TMPRSS15: variants seen among roughly 807,000 people sequenced by gnomAD.
The protein encoded by TMPRSS15 is transmembrane serine protease 15.
Under a neutral mutation model 125.3 loss-of-function variants are expected in TMPRSS15, and 128 were observed. The observed-to-expected ratio is 1.02, with a 90% CI of 0.89 to 1.18. The LOEUF is 1.18. Among genes scored for constraint, TMPRSS15 ranks in the 50% most tolerant of loss-of-function variants. The pLI, the probability that TMPRSS15 is intolerant of heterozygous loss-of-function variation, is 0.00. For missense variants in TMPRSS15, 1,283 were observed against 1,212.7 expected (o/e 1.06, Z -0.86); for synonymous variants, 446 against 423.2 (o/e 1.05, Z -0.66).
intron 3 of TMPRSS15, among the ~76,000 whole-genome samples, chr21:18,389,439 A>G (rs549603384): frequency 6.6e-6 from 1 of 152,318 alleles, no homozygotes; most frequent in Admixed American, 6.5e-5. Flanking sequence ...ATTATAAAAT[A>G]TTTATCAAGG....
At chr21:18,441,333 G>A (rs1026484036) in intron 1 of TMPRSS15, among the ~76,000 whole-genome samples, 25 of 145,462 alleles carry the variant, frequency 1.7e-4, no homozygotes, top group Non-Finnish European at 3.2e-4. Flanking sequence ...GAGACCGGGC[G>A]TGGTGGCTCA....
At chr21:18,352,064 A>G (rs945680227) in intron 10 of TMPRSS15, among the ~76,000 whole-genome samples, 2 of 88,828 alleles carry the variant, frequency 2.3e-5, no homozygotes, top group African/African-American at 4.0e-5. Flanking sequence ...TAAATTCACA[A>G]CTTTTCACTG....
intron 10 of TMPRSS15, among the ~76,000 whole-genome samples, chr21:18,351,429 A>C (rs1236451714): frequency 6.6e-6 from 1 of 152,070 alleles, no homozygotes; most frequent in Non-Finnish European, 1.5e-5. Context: ...CATAGTCCCC[A>C]TGTGCTGAGG....
At chr21:18,305,068 C>T (rs1012084587) in intron 18 of TMPRSS15, among the ~76,000 whole-genome samples, 2 of 151,464 alleles carry the variant, frequency 1.3e-5, no homozygotes, top group African/African-American at 4.9e-5. Flanking sequence ...GTTCTCAACT[C>T]TAGAATGCAC....
At chr21:18,325,995 T>A (rs2075285344) in intron 16 of TMPRSS15, among the ~76,000 whole-genome samples, 1 of 152,052 alleles carries the variant, frequency 6.6e-6, no homozygotes, top group South Asian at 2.1e-4. Context: ...ACTCTGGTTG[T>A]CTCCAATAAG....
chr21:18,431,698 C>A (rs189890563), intron 1 of TMPRSS15, among the ~76,000 whole-genome samples: 1 of 152,134 alleles, frequency 6.6e-6, no homozygotes, highest in East Asian at 1.9e-4. Flanking sequence ...AAAATGATTT[C>A]TCATATGCAT....
At chr21:18,314,605 T>C (rs1000096048) in intron 17 of TMPRSS15, among the ~76,000 whole-genome samples, 2 of 152,186 alleles carry the variant, frequency 1.3e-5, no homozygotes, top group African/African-American at 4.8e-5. Flanking sequence ...GTTGTGGATT[T>C]TTTTTTTAAC....
chr21:18,474,811 T>C (rs1012940759), intron 1 of TMPRSS15, among the ~76,000 whole-genome samples: 1 of 152,202 alleles, frequency 6.6e-6, no homozygotes, highest in Non-Finnish European at 1.5e-5. Context: ...ATTATCCTAG[T>C]CTGACTGAGG....
chr21:18,339,572 AGTACTGC>A (rs2075426811), intron 13 of TMPRSS15, among the ~76,000 whole-genome samples: 1 of 152,206 alleles, frequency 6.6e-6, no homozygotes, highest in Non-Finnish European at 1.5e-5. Flanking sequence ...AAATGGAAAA[AGTACTGC>A]GTTTGTGGGA....
In TMPRSS15 at chr21:18,398,283, T is replaced by C; in HGVS notation, c.192A>G (p.Ile64Met). The part of the protein sequence containing the change: ...QSHEARATFK[I>M]TSGVTYNPNL... The stretch of plus-strand genomic sequence containing the variant: ...TAGGATTATATGTAACTCCGGATGT[T>C]ATTTTAAATGTCGCTCTGGCTTCAT... The change falls in exon 2 of 25, where the codon ATA becomes ATG. Residue 64 changes from isoleucine to methionine, a missense_variant. Physicochemically the swap from Ile to Met is conservative, Grantham distance 10. Coordinates refer to ENST00000284885, the MANE Select transcript of TMPRSS15 (RefSeq NM_002772.3). 6.2e-7 allele frequency: 1 copy of C among 1,613,900 alleles called. No individual in the cohort carries two copies.
chr21:18,377,594 C>T (rs532816849), intron 5 of TMPRSS15, among the ~76,000 whole-genome samples: 1 of 152,166 alleles, frequency 6.6e-6, no homozygotes, highest in East Asian at 1.9e-4. Context: ...GATAGCTTGC[C>T]AAATACATAT....
chr21:18,452,178 G>T (rs8130386), intron 1 of TMPRSS15, among the ~76,000 whole-genome samples: 1 of 151,958 alleles, frequency 6.6e-6, no homozygotes, highest in Non-Finnish European at 1.5e-5. Context: ...ATAGAGGTTG[G>T]ATATGTTAGT....
intron 3 of TMPRSS15, among the ~76,000 whole-genome samples, chr21:18,396,792 A>AAAATTTG (rs1408156983): frequency 8.9e-6 from 1 of 112,792 alleles, no homozygotes; most frequent in Non-Finnish European, 1.8e-5. Flanking sequence ...AAAAAAAAAA[A>AAAATTTG]TCTGTCTGTC....
chr21:18,300,308 CTT>C (rs1352273131), intron 18 of TMPRSS15, among the ~76,000 whole-genome samples: 27 of 146,726 alleles, frequency 1.8e-4, no homozygotes, highest in Non-Finnish European at 7.5e-5. Context: ...CTCTCTCTCT[CTT>C]TCTTTCTCCT....
chr21:18,472,330 G>A lies in TMPRSS15; in HGVS notation c.10+13469C>T, dbSNP rs1053811795. On this transcript the variant is annotated intron_variant, in intron 1 of 7. Coordinates refer to the TMPRSS15 transcript ENST00000422787. ...CAAACTAGCCTGAAATTAAATAAACGTATGTTCTAAAAATGAACTTCTCCC... is the reference window on the plus strand; with the variant it reads ...CAAACTAGCCTGAAATTAAATAAACATATGTTCTAAAAATGAACTTCTCCC... Among the ~76,000 whole-genome samples, 6 of 151,680 alleles carry A rather than the reference G, an allele frequency of 4.0e-5. No homozygotes were observed. The South Asian group carries it at 8.3e-4, about 21-fold the overall frequency.
rs2074607081 is a variant in TMPRSS15 at position 18,275,353 on chromosome 21, A to C, written c.2765-17T>G. On this transcript the variant is annotated splice_polypyrimidine_tract_variant and intron_variant, in intron 23 of 24. Transcript: ENST00000284885. Reference sequence around the variant, plus strand: ...CAGTAGTACCTGCTCAAAATGGAGAATGCAGCCAGCCAGTCAGAAGTGATC... The same window carrying C: ...CAGTAGTACCTGCTCAAAATGGAGACTGCAGCCAGCCAGTCAGAAGTGATC... The C allele has an allele frequency of 6.2e-7, 1 of 1,613,618 alleles. No homozygotes were observed. The highest frequency in any genetic ancestry group is 1.7e-5 in the Admixed American group (1 of 60,030).
intron 10 of TMPRSS15, among the ~76,000 whole-genome samples, chr21:18,345,598 G>A (rs2075497163): frequency 1.4e-5 from 2 of 147,412 alleles, no homozygotes; most frequent in Admixed American, 6.9e-5. Context: ...AAAATTAGCT[G>A]GGCGTGGTGG....
intron 16 of TMPRSS15, among the ~76,000 whole-genome samples, chr21:18,324,759 A>G (rs2075272718): frequency 6.6e-6 from 1 of 152,182 alleles, no homozygotes. Flanking sequence ...TTACATAACC[A>G]AAGTCTGCTG....
chr21:18,295,906 A>C (rs2074901219), intron 19 of TMPRSS15, among the ~76,000 whole-genome samples: 1 of 152,186 alleles, frequency 6.6e-6, no homozygotes, highest in African/African-American at 2.4e-5. Flanking sequence ...TAACTCCAGC[A>C]CTTTGGGAGG....
Sources: gnomAD v4.1 joint callset for allele counts (sites outside exome capture counted in the v4.1 genomes callset) on GRCh38, gnomAD v4.1.1 for gene constraint, MANE v1.5 for transcripts, NCBI Gene and HGNC (gene_info 2026-07-23, HGNC 2026-07-21) for gene names.